DTNB: variants seen among roughly 807,000 people sequenced by gnomAD.
The protein encoded by DTNB is dystrobrevin beta, also known as DTN-B.
DTNB carries 63 observed loss-of-function variants against 90.7 expected under a neutral mutation model. That is an observed-to-expected ratio of 0.69 (90% CI 0.57 to 0.86). The LOEUF (loss-of-function observed/expected upper bound fraction) is 0.86, where lower values mean the gene tolerates loss of function less well. DTNB is among the 40% of genes least tolerant of loss of function. DTNB has a pLI of 0.00. For synonymous variants in DTNB, 277 were observed against 286.7 expected (o/e 0.97, Z 0.34); for missense variants, 744 against 807.1 (o/e 0.92, Z 0.95).
At chr2:25,670,185 G>GA (rs1216170910) in intron 1 of DTNB, among the ~76,000 whole-genome samples, 2 of 152,140 alleles carry the variant, frequency 1.3e-5, no homozygotes, top group African/African-American at 2.4e-5. Flanking sequence ...TCTGTTAGGG[G>GA]AAAAAACTGC....
chr2:25,593,084 A>G (rs1441025535), intron 6 of DTNB, among the ~76,000 whole-genome samples: 1 of 152,170 alleles, frequency 6.6e-6, no homozygotes, highest in Non-Finnish European at 1.5e-5. Flanking sequence ...CTGCAGCTTC[A>G]TCATCACAGC....
At chr2:25,476,317 C>T (rs548386567) in intron 10 of DTNB, among the ~76,000 whole-genome samples, 4 of 152,146 alleles carry the variant, frequency 2.6e-5, no homozygotes, top group Non-Finnish European at 5.9e-5. Context: ...GATCCACCTG[C>T]CTCGGCCTCC....
chr2:25,667,744 G>A (rs1254106279), intron 1 of DTNB, among the ~76,000 whole-genome samples: 3 of 151,998 alleles, frequency 2.0e-5, no homozygotes, highest in African/African-American at 2.4e-5. Context: ...CTTACCATTC[G>A]ACCCAGCAAT....
chr2:25,480,703 A>G (rs759849377), intron 10 of DTNB, among the ~76,000 whole-genome samples: 7 of 152,232 alleles, frequency 4.6e-5, no homozygotes, highest in Non-Finnish European at 7.3e-5. Flanking sequence ...AAGAATTCAG[A>G]TGGGAAATGC....
chr2:25,594,652 T>A (rs971961307), intron 6 of DTNB, among the ~76,000 whole-genome samples: 1 of 152,232 alleles, frequency 6.6e-6, no homozygotes, highest in African/African-American at 2.4e-5. Context: ...TTAGATGTGT[T>A]CCTTTTATAG....
chr2:25,452,448 TTC>T (rs1245008251), intron 11 of DTNB, among the ~76,000 whole-genome samples: 1 of 152,234 alleles, frequency 6.6e-6, no homozygotes, highest in African/African-American at 2.4e-5. Context: ...GGCTATATAA[TTC>T]TCTGTTTAGG....
intron 16 of DTNB, among the ~76,000 whole-genome samples, chr2:25,408,538 C>CAAAAAAAAAAAAAAAAAAAAAAAAAAAAA (rs11395783): frequency 1.5e-4 from 5 of 32,732 alleles, no homozygotes; most frequent in African/African-American, 4.7e-4. Context: ...GACTCCATCT[C>CAAAAAAAAAAAAAAAAAAAAAAAAAAAAA]AAAAAAAAAA....
intron 3 of DTNB, among the ~76,000 whole-genome samples, chr2:25,632,313 G>C (rs2075957033): frequency 6.6e-6 from 1 of 151,100 alleles, no homozygotes; most frequent in Non-Finnish European, 1.5e-5. Context: ...AATTAAGTTA[G>C]AAATCATAAT....
At chr2:25,487,877 G>T (rs923812584) in intron 9 of DTNB, among the ~76,000 whole-genome samples, 1 of 152,204 alleles carries the variant, frequency 6.6e-6, no homozygotes, top group African/African-American at 2.4e-5. Flanking sequence ...CTAGCACAAG[G>T]TGAGAGATCT....
chr2:25,636,887 G>A (rs1056765584), intron 3 of DTNB, among the ~76,000 whole-genome samples: 6 of 151,494 alleles, frequency 4.0e-5, no homozygotes, highest in South Asian at 2.1e-4. Context: ...ACATCACTTC[G>A]ATCTAGGATG....
At chr2:25,642,710 C>A (rs1424972249) in intron 2 of DTNB, among the ~76,000 whole-genome samples, 1 of 152,098 alleles carries the variant, frequency 6.6e-6, no homozygotes, top group African/African-American at 2.4e-5. Context: ...CCATGCCTGG[C>A]CTGGAATCTT....
At chr2:25,627,299 C>A (rs889180540) in intron 4 of DTNB, among the ~76,000 whole-genome samples, 2 of 152,006 alleles carry the variant, frequency 1.3e-5, no homozygotes, top group African/African-American at 2.4e-5. Context: ...GTAATCCCAG[C>A]TACTTGGAAG....
chr2:25,384,563 C>A (rs1294696302), intron 18 of DTNB, among the ~76,000 whole-genome samples: 1 of 152,082 alleles, frequency 6.6e-6, no homozygotes, highest in East Asian at 1.9e-4. Context: ...TAAGAGAAAA[C>A]CATGTCACGT....
At chr2:25,578,364 A>G (rs146766172) in intron 7 of DTNB, among the ~76,000 whole-genome samples, 173 of 152,336 alleles carry the variant, frequency 1.1e-3, no homozygotes, top group Admixed American at 1.9e-3. Context: ...TAACTATACA[A>G]CCTAGTATAG....
At chr2:25,414,791 G>A (rs906445775) in intron 16 of DTNB, among the ~76,000 whole-genome samples, 2 of 152,098 alleles carry the variant, frequency 1.3e-5, no homozygotes, top group Non-Finnish European at 2.9e-5. Context: ...TACAGGCGGG[G>A]GATGTAATAG....
chr2:25,596,134 T>C lies in DTNB; in HGVS notation c.555A>G (p.Pro185=). 3.1e-6 allele frequency: 5 copies of C among 1,613,342 alleles called. 1 individual carries two copies. Among genetic ancestry groups the C allele is most frequent in the Non-Finnish European group, 4.2e-6 (5 of 1,179,614 alleles). Residue 185 remains proline (P), a synonymous_variant, in exon 6 of 21, where the codon CCA becomes CCG. Transcript: ENST00000406818. ...CTGAGTGCTCTGTGTAACCAAAAGA[T>C]GGCCCTTCAAAGACAGCTGTTGGGA... ...LKLPTAVFEG[P]SFGYTEHSVR...
At chr2:25,671,381 C>T (rs12615633) in intron 1 of DTNB, among the ~76,000 whole-genome samples, 66,588 of 151,928 alleles carry the variant, frequency 0.44, 15,765 homozygotes, top group East Asian at 0.77. Flanking sequence ...AAAATAAATA[C>T]ATAAACAAAA....
intron 5 of DTNB, among the ~76,000 whole-genome samples, chr2:25,599,347 T>C (rs528398437): frequency 2.5e-5 from 1 of 40,596 alleles, no homozygotes; most frequent in Non-Finnish European, 5.6e-5. Flanking sequence ...TAACTAGCAA[T>C]TTTTTTTTTT....
intron 10 of DTNB, among the ~76,000 whole-genome samples, chr2:25,476,854 G>A (rs1016190313): frequency 6.6e-6 from 1 of 152,384 alleles, no homozygotes; most frequent in Admixed American, 6.5e-5. Context: ...TGACAAAGCA[G>A]TGGCAGGGTA....
Sources: allele counts gnomAD v4.1 joint callset (sites outside exome capture counted in the v4.1 genomes callset), GRCh38; gene constraint gnomAD v4.1.1; transcripts MANE v1.5; gene names NCBI Gene and HGNC (gene_info 2026-07-23, HGNC 2026-07-21).